The following ADGRL2 variants were observed in gnomAD, a reference collection of about 807,000 sequenced individuals.
The protein encoded by ADGRL2 is adhesion G protein-coupled receptor L2.
In ADGRL2, 44 loss-of-function variants were observed where a neutral mutation model predicts 157.4. That is an observed-to-expected ratio of 0.28 (90% confidence interval 0.22 to 0.36). The LOEUF (loss-of-function observed/expected upper bound fraction) is 0.36, where lower values mean the gene tolerates loss of function less well. Ranked by LOEUF, ADGRL2 falls within the 10% of genes least tolerant of loss-of-function variation. The probability of loss-of-function intolerance (pLI) is 1.00; values close to 1 mark genes in which losing one functional copy is unlikely to be tolerated. For missense variants in ADGRL2, 1,510 were observed against 1,768.9 expected, an observed-to-expected ratio of 0.85 and a Z score of 2.63; for synonymous variants, 585 against 624.7, an observed-to-expected ratio of 0.94 and a Z score of 0.95.
At chr1:81,823,786 C>T (rs1222632270) in intron 1 of ADGRL2, among the ~76,000 whole-genome samples, 1 of 151,874 alleles carries the variant, frequency 6.6e-6, no homozygotes, top group East Asian at 1.9e-4. Flanking sequence ...GCAGAAGGAA[C>T]AGTATAACTA....
At chr1:81,324,937 G>A (rs560260560) in intron 1 of ADGRL2, among the ~76,000 whole-genome samples, 17 of 151,992 alleles carry the variant, frequency 1.1e-4, no homozygotes, top group Middle Eastern at 3.4e-3. Context: ...GGCTGGTCTC[G>A]AACTCCTGGC....
intron 2 of ADGRL2, among the ~76,000 whole-genome samples, chr1:81,837,673 A>G (rs983688807): frequency 2.0e-5 from 3 of 151,910 alleles, no homozygotes; most frequent in Non-Finnish European, 2.9e-5. Context: ...TAATGAGTGT[A>G]TTTTTCAAGA....
chr1:81,595,477 T>G (rs1403902935), intron 3 of ADGRL2, among the ~76,000 whole-genome samples: 1 of 152,200 alleles, frequency 6.6e-6, no homozygotes, highest in Non-Finnish European at 1.5e-5. Context: ...CTGCTATGAA[T>G]GTACTCAACT....
intron 3 of ADGRL2, among the ~76,000 whole-genome samples, chr1:81,639,737 C>T (rs982341594): frequency 6.6e-6 from 1 of 152,014 alleles, no homozygotes; most frequent in Non-Finnish European, 1.5e-5. Context: ...CATATATGCA[C>T]CTAACAACAG....
At chr1:81,310,668 A>C (rs2100546198) in intron 1 of ADGRL2, among the ~76,000 whole-genome samples, 1 of 152,244 alleles carries the variant, frequency 6.6e-6, no homozygotes, top group African/African-American at 2.4e-5. Context: ...AAGTTATTTT[A>C]ATATATCAGT....
intron 2 of ADGRL2, among the ~76,000 whole-genome samples, chr1:81,480,842 C>T (rs2078370677): frequency 6.6e-6 from 1 of 152,128 alleles, no homozygotes. Flanking sequence ...CCACATTCAA[C>T]CATATATGCT....
At chr1:81,501,921 T>A (rs2078861524) in intron 2 of ADGRL2, 1 of 1,613,806 alleles carries the variant, frequency 6.2e-7, no homozygotes, top group Non-Finnish European at 8.5e-7. Flanking sequence ...CAAAAGCTGG[T>A]CACGCAGCCG....
chr1:81,463,956 T>A (rs1014902003), intron 2 of ADGRL2, among the ~76,000 whole-genome samples: 2 of 152,094 alleles, frequency 1.3e-5, no homozygotes, highest in Non-Finnish European at 2.9e-5. Context: ...AAAAGTTTCC[T>A]TCCTACTTCC....
chr1:81,884,583 G>A (rs1036224934), intron 2 of ADGRL2, among the ~76,000 whole-genome samples: 2 of 152,128 alleles, frequency 1.3e-5, no homozygotes, highest in Non-Finnish European at 2.9e-5. Context: ...AAAACACTAT[G>A]TATCTGCTCT....
At chr1:81,846,874 G>T (rs2092811162) in intron 2 of ADGRL2, among the ~76,000 whole-genome samples, 2 of 151,940 alleles carry the variant, frequency 1.3e-5, no homozygotes, top group South Asian at 4.1e-4. Flanking sequence ...TTATATGGTA[G>T]AATGCTGTGA....
At chr1:81,861,097 A>T (rs1339429626) in intron 2 of ADGRL2, among the ~76,000 whole-genome samples, 2 of 150,284 alleles carry the variant, frequency 1.3e-5, no homozygotes, top group African/African-American at 2.5e-5. Flanking sequence ...GCTCACTGCA[A>T]CCTCCACCTA....
At chr1:81,587,149 C>G (rs548476087) in intron 3 of ADGRL2, among the ~76,000 whole-genome samples, 2 of 152,166 alleles carry the variant, frequency 1.3e-5, no homozygotes, top group South Asian at 4.1e-4. Flanking sequence ...AAGAACAATG[C>G]TAAGCCATAT....
chr1:81,530,065 G>A (rs17454529), intron 2 of ADGRL2, among the ~76,000 whole-genome samples: 15,688 of 152,228 alleles, frequency 0.1, 931 homozygotes, highest in South Asian at 0.14. Context: ...GCCAGGAACA[G>A]TGTTGTCACT....
chr1:81,406,358 G>A (rs2076853813), intron 1 of ADGRL2, among the ~76,000 whole-genome samples: 1 of 152,162 alleles, frequency 6.6e-6, no homozygotes, highest in South Asian at 2.1e-4. Context: ...AGACTACACG[G>A]GACCATAATG....
At chr1:81,898,475 G>A (rs542954540) in intron 2 of ADGRL2, among the ~76,000 whole-genome samples, 6 of 152,258 alleles carry the variant, frequency 3.9e-5, no homozygotes, top group East Asian at 1.9e-4. Context: ...AAGGAATTAC[G>A]TATAAGTAAG....
intron 1 of ADGRL2, among the ~76,000 whole-genome samples, chr1:81,328,013 C>T (rs917682724): frequency 2.6e-5 from 4 of 152,054 alleles, no homozygotes; most frequent in Non-Finnish European, 5.9e-5. Context: ...AACCTGCAGG[C>T]CTTTGAAACA....
intron 1 of ADGRL2, among the ~76,000 whole-genome samples, chr1:81,811,896 C>T (rs2089911113): frequency 1.3e-5 from 2 of 150,664 alleles, no homozygotes; most frequent in African/African-American, 4.9e-5. Context: ...AGTGGTCTAT[C>T]ATTTCAGGCT....
intron 2 of ADGRL2, among the ~76,000 whole-genome samples, chr1:81,539,028 A>AAAAAAAAG (rs1553121682): frequency 3.5e-5 from 5 of 144,758 alleles, no homozygotes; most frequent in Non-Finnish European, 3.0e-5. Context: ...AAAAAAAAAA[A>AAAAAAAAG]GACAACATAA....
chr1:81,841,726 G>T (rs1232791752), intron 2 of ADGRL2, among the ~76,000 whole-genome samples: 1 of 152,122 alleles, frequency 6.6e-6, no homozygotes, highest in Non-Finnish European at 1.5e-5. Context: ...TTTCATAAGG[G>T]CAGGGATGTT....
Sources: gnomAD v4.1 joint callset for allele counts (sites outside exome capture counted in the v4.1 genomes callset) on GRCh38, gnomAD v4.1.1 for gene constraint, MANE v1.5 for transcripts, NCBI Gene and HGNC (gene_info 2026-07-23, HGNC 2026-07-21) for gene names.